The following POLK variants were observed in gnomAD, a reference collection of about 807,000 sequenced individuals.
The protein encoded by POLK is DNA polymerase kappa, also known as polymerase (DNA directed) kappa.
Under a neutral mutation model 94.0 loss-of-function variants are expected in POLK, and 76 were observed. The ratio of observed to expected loss-of-function variants is 0.81; its 90% CI spans 0.67 to 0.98. The LOEUF (loss-of-function observed/expected upper bound fraction) is 0.98. POLK is among the 50% of genes least tolerant of loss of function. The pLI is 0.00. For synonymous variants in POLK, 349 were observed against 325.4 expected (o/e 1.07, Z -0.78); for missense variants, 954 against 1,010.1 (o/e 0.94, Z 0.75).
chr5:75,575,942 C>T (rs1771850215), intron 5 of POLK, among the ~76,000 whole-genome samples: 1 of 152,078 alleles, frequency 6.6e-6, no homozygotes, highest in Non-Finnish European at 1.5e-5. Context: ...CAGGGTCTCA[C>T]TCTGTCACCC....
At position 75,544,213 on chromosome 5, in the gene POLK, T is replaced by C. The variant is rs367609928; in HGVS notation, c.-13-2797T>C. On this transcript the variant is annotated intron_variant, in intron 1 of 14. Coordinates refer to ENST00000241436, the Ensembl canonical transcript of POLK. ...TTCAATAATATGTCTTTTCCTTTTA[T>C]ACATTTCATCTTTTAAAGGGCAAGG... is the stretch of plus-strand genomic sequence containing the variant. 3.3e-5 allele frequency among the ~76,000 whole-genome samples: 5 copies of C among 152,180 alleles called. No individual in the cohort carries two copies. In the East Asian group the frequency reaches 9.6e-4, roughly 29 times the overall value.
upstream of POLK, chr5:75,511,737 G>T: frequency 6.5e-7 from 1 of 1,550,238 alleles, no homozygotes; most frequent in Non-Finnish European, 8.7e-7. Flanking sequence ...CGAGCCTTCG[G>T]GATCCTCCTC....
At chr5:75,528,995 T>A (rs570231103) in intron 1 of POLK, among the ~76,000 whole-genome samples, 8 of 152,360 alleles carry the variant, frequency 5.3e-5, no homozygotes, top group African/African-American at 1.9e-4. Flanking sequence ...AGCATTTACA[T>A]ATAACCTTTA....
intron 1 of POLK, among the ~76,000 whole-genome samples, chr5:75,532,990 T>C (rs935669512): frequency 6.6e-6 from 1 of 152,210 alleles, no homozygotes; most frequent in African/African-American, 2.4e-5. Flanking sequence ...ATATTAGACC[T>C]TTCTTGGATC....
At chr5:75,609,031 G>T in the POLK span, 1 of 152,140 alleles carries the variant, frequency 6.6e-6, no homozygotes, top group Non-Finnish European at 1.5e-5. Context: ...GTCCAGCTAT[G>T]GCTAAGTTTC....
rs971233946 is a variant in POLK at position 75,541,010 on chromosome 5, G to A, written c.-13-6000G>A. Among the ~76,000 whole-genome samples, 5 of 152,140 alleles carry A rather than the reference G, an allele frequency of 3.3e-5. No individual in the cohort carries two copies. In the South Asian group the frequency reaches 8.3e-4, roughly 25 times the overall value. Reference sequence around the variant, plus strand: ...AAACTTAAAAACTTGGAGGCTCGGCGCAGTGGCTCATGCCTATAATCCCAG... The same window carrying A: ...AAACTTAAAAACTTGGAGGCTCGGCACAGTGGCTCATGCCTATAATCCCAG... On this transcript the variant is annotated intron_variant, in intron 1 of 14. Coordinates refer to ENST00000241436, the Ensembl canonical transcript of POLK.
intron 1 of POLK, among the ~76,000 whole-genome samples, chr5:75,542,816 A>T (rs922481996): frequency 4.0e-5 from 6 of 149,868 alleles, no homozygotes; most frequent in Non-Finnish European, 7.4e-5. Flanking sequence ...AGTTTCAAGC[A>T]ATTCTCCTGC....
intron 1 of POLK, chr5:75,512,293 T>G (rs950974596): frequency 5.2e-5 from 8 of 152,804 alleles, no homozygotes; most frequent in African/African-American, 1.9e-4. Flanking sequence ...CCTTAGTACC[T>G]TCTCACAAGC....
upstream of POLK, chr5:75,511,755 C>G (rs1320020398): frequency 2.6e-6 from 4 of 1,551,152 alleles, no homozygotes; most frequent in East Asian, 9.8e-5. Context: ...CTCCCGAACC[C>G]TACCTCCGGC....
chr5:75,563,988 G>T (rs898129826), intron 3 of POLK, among the ~76,000 whole-genome samples: 12 of 152,312 alleles, frequency 7.9e-5, no homozygotes, highest in Non-Finnish European at 1.5e-4. Flanking sequence ...AATGTTGACA[G>T]TGGGGTGTTA....
In POLK at chr5:75,581,287, C is replaced by A; in HGVS notation, c.773C>A (p.Ser258Tyr). The change falls in exon 7 of 15, where the codon TCT (serine) becomes TAT (tyrosine). Residue 258 changes from serine to tyrosine, a missense_variant. Coordinates refer to ENST00000241436, the Ensembl canonical transcript of POLK. ...CCACTACTTTTTGAAGAGAGTCCTT[C>A]TGATGTGCAGCCCCCAGGAGATCCT... 5 of 1,612,748 alleles carry A rather than the reference C, an allele frequency of 3.1e-6. No homozygotes were observed. The South Asian group carries it at 4.4e-5, about 14-fold the overall frequency.
At chr5:75,571,387 T>A (rs1203685708) in intron 4 of POLK, among the ~76,000 whole-genome samples, 1 of 152,188 alleles carries the variant, frequency 6.6e-6, no homozygotes, top group Non-Finnish European at 1.5e-5. Flanking sequence ...CTACAGCAGT[T>A]ACCTATTGCT....
At chr5:75,545,154 A>G (rs1156977451) in intron 1 of POLK, among the ~76,000 whole-genome samples, 1 of 152,200 alleles carries the variant, frequency 6.6e-6, no homozygotes. Flanking sequence ...TGAAACTACC[A>G]CTAATAGTCA....
rs1233882245 is a variant in POLK, at chr5:75,537,319, G to A, written c.-13-9691G>A. On this transcript the variant is annotated intron_variant, in intron 1 of 14. Transcript: ENST00000241436. ...GGTCAGGGGGAATCTCCCATTCCCA[G>A]TCTTGCACAGGTTTCTGTGGAAAGT... 2.0e-5 allele frequency among the ~76,000 whole-genome samples: 3 copies of A among 152,342 alleles called. No homozygotes were observed. In the East Asian group the frequency reaches 5.8e-4, roughly 29 times the overall value.
chr5:75,536,880 C>T (rs1769470226), intron 1 of POLK, among the ~76,000 whole-genome samples: 1 of 152,108 alleles, frequency 6.6e-6, no homozygotes, highest in South Asian at 2.1e-4. Flanking sequence ...CTACCAGTGA[C>T]GGGGGCGGGT....
downstream of POLK, among the ~76,000 whole-genome samples, chr5:75,603,956 G>A (rs1490191391): frequency 6.6e-6 from 1 of 152,176 alleles, no homozygotes; most frequent in Non-Finnish European, 1.5e-5. Flanking sequence ...CTACCAGATT[G>A]TAGGCCCCAA....
the POLK span, among the ~76,000 whole-genome samples, chr5:75,608,079 G>T: frequency 6.6e-6 from 1 of 152,084 alleles, no homozygotes; most frequent in Non-Finnish European, 1.5e-5. Flanking sequence ...AAGCTTTCAG[G>T]ACTCAAAGAC....
chr5:75,535,947 TC>T (rs1294963173), intron 1 of POLK, among the ~76,000 whole-genome samples: 1 of 152,218 alleles, frequency 6.6e-6, no homozygotes, highest in Non-Finnish European at 1.5e-5. Context: ...GGATTCTGTC[TC>T]TGACATTTCA....
intron 2 of POLK, among the ~76,000 whole-genome samples, chr5:75,548,175 G>A (rs554867285): frequency 1.3e-5 from 2 of 152,208 alleles, no homozygotes; most frequent in African/African-American, 4.8e-5. Context: ...CTCTACCTTA[G>A]CCTCCCAAAG....
Sources: allele counts gnomAD v4.1 joint callset (sites outside exome capture counted in the v4.1 genomes callset), GRCh38; gene constraint gnomAD v4.1.1; transcripts MANE v1.5; gene names NCBI Gene and HGNC (gene_info 2026-07-23, HGNC 2026-07-21).